The following ZNF346 variants were observed in gnomAD, a reference collection of about 807,000 sequenced individuals.
ZNF346 encodes the protein zinc finger protein 346.
Under a neutral mutation model 33.7 loss-of-function variants are expected in ZNF346, and 23 were observed. The observed-to-expected ratio is 0.68, with a 90% CI of 0.49 to 0.97. The LOEUF (loss-of-function observed/expected upper bound fraction) is 0.97. Ranked by LOEUF, ZNF346 falls within the 50% of genes least tolerant of loss-of-function variation. ZNF346 has a pLI of 0.00. For synonymous variants in ZNF346, 134 were observed against 142.4 expected (o/e 0.94, Z 0.42); for missense variants, 340 against 371.1 (o/e 0.92, Z 0.69).
intron 1 of ZNF346, among the ~76,000 whole-genome samples, chr5:177,039,730 A>G (rs1779089287): frequency 6.6e-6 from 1 of 152,074 alleles, no homozygotes; most frequent in South Asian, 2.1e-4. Context: ...CTCCCACCTC[A>G]GCCTCCCAAA....
chr5:177,035,242 C>A (rs1221380292), intron 1 of ZNF346, among the ~76,000 whole-genome samples: 1 of 152,198 alleles, frequency 6.6e-6, no homozygotes, highest in Admixed American at 6.5e-5. Flanking sequence ...GTCTCAAACT[C>A]CTGGCCTCAA....
At chr5:177,048,289 T>C (rs1016641913) in intron 4 of ZNF346, among the ~76,000 whole-genome samples, 4 of 152,210 alleles carry the variant, frequency 2.6e-5, no homozygotes, top group Non-Finnish European at 5.9e-5. Flanking sequence ...ACAACCATTA[T>C]ACCTCTTTTC....
chr5:177,070,061 T>C (rs1286559191), downstream of ZNF346, among the ~76,000 whole-genome samples: 1 of 152,200 alleles, frequency 6.6e-6, no homozygotes, highest in Non-Finnish European at 1.5e-5. Flanking sequence ...GGTACACATG[T>C]TCACTCATCT....
At position 177,067,597 on chromosome 5, in the gene ZNF346, A is replaced by G. The variant is rs764646807; in HGVS notation, c.*2998A>G. Among the ~76,000 whole-genome samples, 1 of 152,170 alleles carries G rather than the reference A, an allele frequency of 6.6e-6. No homozygotes were observed. On this transcript the variant is annotated 3_prime_UTR_variant, in exon 7 of 7. Transcript: ENST00000358149. ...CCTGCAAGACCACTTTGTAGTCCCT[A>G]CCAGCTGTGTGGCCAGCCCTGTTGG...
chr5:177,036,874 G>A (rs1472528491), intron 1 of ZNF346, among the ~76,000 whole-genome samples: 2 of 152,164 alleles, frequency 1.3e-5, no homozygotes, highest in African/African-American at 4.8e-5. Flanking sequence ...TGAGGCTACA[G>A]TGAGCTGACA....
Position 177,065,882 on chromosome 5 carries a change from T to TGTGTG in ZNF346, c.*1283_*1284insGTGTG, listed in dbSNP as rs1562041922. 8.0e-3 allele frequency: 1,117 copies of TGTGTG among 139,574 alleles called. 11 individuals are homozygous for TGTGTG. The highest frequency in any genetic ancestry group is 0.026 in the African/African-American group (852 of 32,992). The allele number at this position is 139,574 out of a possible 1,614,324, so 8.6% of individuals were successfully genotyped here. On this transcript the variant is annotated 3_prime_UTR_variant, in exon 7 of 7. Coordinates refer to ENST00000358149, the MANE Select transcript of ZNF346 (RefSeq NM_012279.4). ...GATGTGTGTGTGTGTGTGTGTGTGTTTGTGTGTATGTGTGTGCTTCTGTGT... is the reference window on the plus strand; with the variant it reads ...GATGTGTGTGTGTGTGTGTGTGTGTTGTGTGTGTGTGTATGTGTGTGCTTCTGTGT...
At chr5:177,053,978 A>G (rs1462505718) in intron 5 of ZNF346, among the ~76,000 whole-genome samples, 1 of 152,174 alleles carries the variant, frequency 6.6e-6, no homozygotes. Flanking sequence ...GGGATGATTG[A>G]CATCCTAAAC....
rs2149560777 is a variant in ZNF346, at chr5:177,022,793, C to A, written c.55C>A (p.Pro19Thr). Residue 19 changes from proline (P) to threonine (T), a missense_variant, in exon 1 of 7, where the codon CCT becomes ACT. Transcript: ENST00000358149. ...VQAADGGAAGPYSSSELLEGQ... is the reference protein window; with the variant it reads ...VQAADGGAAGTYSSSELLEGQ... The stretch of plus-strand genomic sequence containing the variant: ...GGCCGCGGACGGCGGAGCGGCCGGG[C>A]CTTACAGCAGCTCGGAGTTGCTGGA... 3 of 1,546,964 alleles carry A rather than the reference C, an allele frequency of 1.9e-6. No homozygotes were observed. Among genetic ancestry groups the A allele is most frequent in the Non-Finnish European group, 2.6e-6 (3 of 1,147,678 alleles).
At chr5:177,038,891 T>C (rs946882126) in intron 1 of ZNF346, among the ~76,000 whole-genome samples, 2 of 150,922 alleles carry the variant, frequency 1.3e-5, no homozygotes, top group African/African-American at 2.4e-5. Flanking sequence ...TGTGTGTGTG[T>C]GTGTGTGTGT....
rs34021834 is a variant in ZNF346 at position 177,031,998 on chromosome 5, C to CTTTTTTTTTTT, written c.175+9101_176-9102dup. On this transcript the variant is annotated intron_variant, in intron 1 of 6. Coordinates refer to ENST00000358149, the MANE Select transcript of ZNF346 (RefSeq NM_012279.4). ...GCTTTCTTCATGCCTTTTCTTTTTT[C>CTTTTTTTTTTT]TTTTTTTTTTTTTTTTTTTTTTTTT... 4.6e-3 allele frequency among the ~76,000 whole-genome samples: 310 copies of CTTTTTTTTTTT among 67,858 alleles called. 1 individual carries two copies. The highest frequency in any genetic ancestry group is 0.019 in the Middle Eastern group (2 of 104). The allele number at this position is 67,858 out of a possible 152,430, so 44.5% of individuals were successfully genotyped here. A position where few individuals can be genotyped will look rare whatever the true frequency, so the allele number is the denominator to read the frequency against.
At chr5:177,026,959 AG>A (rs1776868361) in intron 1 of ZNF346, among the ~76,000 whole-genome samples, 1 of 152,188 alleles carries the variant, frequency 6.6e-6, no homozygotes, top group South Asian at 2.1e-4. Context: ...GATGAATCTT[AG>A]CTCAAAAAGG....
intron 1 of ZNF346, among the ~76,000 whole-genome samples, chr5:177,035,201 G>T (rs1392445456): frequency 6.6e-6 from 1 of 151,968 alleles, no homozygotes; most frequent in Non-Finnish European, 1.5e-5. Flanking sequence ...ATTTTTGGTG[G>T]AGACGGGGGT....
intron 8 of ZNF346, among the ~76,000 whole-genome samples, chr5:177,078,330 A>G (rs563152203): frequency 1.3e-5 from 2 of 152,352 alleles, no homozygotes; most frequent in African/African-American, 2.4e-5. Context: ...AGGCACATTC[A>G]GAGGCTCTAC....
At position 177,044,421 on chromosome 5, in the gene ZNF346, C is replaced by T. The variant is rs1457816600; in HGVS notation, c.405C>T (p.Cys135=). The change falls in exon 4 of 7, where the codon TGC becomes TGT. Residue 135 remains cysteine (C), a synonymous_variant. Transcript: ENST00000358149. ...KSSRSKDKNQ[C]CPICNMTFSS... Reference sequence around the variant, plus strand: ...GCAGAAGCAAAGACAAGAACCAGTGCTGCCCCATCTGTAACATGACCTTTT... The same window carrying T: ...GCAGAAGCAAAGACAAGAACCAGTGTTGCCCCATCTGTAACATGACCTTTT... 1.4e-5 allele frequency: 22 copies of T among 1,614,010 alleles called. No homozygotes were observed. Among genetic ancestry groups the T allele is most frequent in the Non-Finnish European group, 1.7e-5 (20 of 1,180,036 alleles).
rs777609649 is a variant in ZNF346 at position 177,044,368 on chromosome 5, T to C, written c.373-21T>C. 5 of 1,613,808 alleles carry C rather than the reference T, an allele frequency of 3.1e-6. No individual in the cohort carries two copies. The South Asian group carries it at 5.5e-5, about 18-fold the overall frequency. ...GGTGGGGCAGTGGTATGATCAGACC[T>C]GTGTTCTTTCTTCCAACCAGAAGAG... On this transcript the variant is annotated intron_variant, in intron 3 of 6. Coordinates refer to ENST00000358149, the MANE Select transcript of ZNF346 (RefSeq NM_012279.4).
rs1554142623 is a variant in ZNF346, at chr5:177,028,496, T to TATATATATATATATATATATATATATATA, written c.175+5583_175+5584insATATATATATATATATATATATATATATA. Among the ~76,000 whole-genome samples, 45 of 90,484 alleles carry TATATATATATATATATATATATATATATA rather than the reference T, an allele frequency of 5.0e-4. 1 individual carries two copies. Among genetic ancestry groups the TATATATATATATATATATATATATATATA allele is most frequent in the African/African-American group, 2.3e-3 (39 of 17,126 alleles). The allele number at this position is 90,484 out of a possible 152,430, so 59.4% of individuals were successfully genotyped here. ...TTCTCTCTTAAGCACTTGTGACGTT[T>TATATATATATATATATATATATATATATA]TATATATATATATATATATATATAT... On this transcript the variant is annotated intron_variant, in intron 1 of 6. Transcript: ENST00000358149.
chr5:177,030,906 ATTTTTTTT>A (rs760757696), intron 1 of ZNF346, among the ~76,000 whole-genome samples: 1 of 103,530 alleles, frequency 9.7e-6, no homozygotes, highest in South Asian at 3.0e-4. Context: ...GCTTAGTGTA[ATTTTTTTT>A]TTTTTTTTTT....
intron 5 of ZNF346, among the ~76,000 whole-genome samples, chr5:177,053,159 T>C (rs1310430379): frequency 2.0e-5 from 3 of 151,374 alleles, no homozygotes; most frequent in Non-Finnish European, 4.4e-5. Flanking sequence ...CTACTGAAAA[T>C]AGAAAAATTA....
intron 5 of ZNF346, among the ~76,000 whole-genome samples, chr5:177,057,818 T>G (rs1414733686): frequency 1.3e-5 from 2 of 150,330 alleles, no homozygotes; most frequent in Admixed American, 1.3e-4. Flanking sequence ...ATTTATTTAT[T>G]TATTTATTTA....
Sources: gnomAD v4.1 joint callset for allele counts (sites outside exome capture counted in the v4.1 genomes callset) on GRCh38, gnomAD v4.1.1 for gene constraint, MANE v1.5 for transcripts, NCBI Gene and HGNC (gene_info 2026-07-23, HGNC 2026-07-21) for gene names.